The following GOLGA8B variants were observed in gnomAD, a reference collection of about 807,000 sequenced individuals.
The protein encoded by GOLGA8B is golgin A8 family member B.
A neutral mutation model predicts 15.6 loss-of-function variants in GOLGA8B; 1 was observed. The ratio of observed to expected loss-of-function variants is 0.06; its 90% CI spans 0.02 to 0.30. The LOEUF is 0.30. Ranked by LOEUF, GOLGA8B falls within the 10% of genes least tolerant of loss-of-function variation. GOLGA8B has a pLI of 1.00. For missense variants in GOLGA8B, 17 were observed against 201.3 expected, an observed-to-expected ratio of 0.08 and a Z score of 5.54; for synonymous variants, 9 against 80.3, an observed-to-expected ratio of 0.11 and a Z score of 4.75.
Position 34,527,058 on chromosome 15 carries a change from G to C in GOLGA8B, c.*574C>G, listed in dbSNP as rs1429592635. On this transcript the variant is annotated 3_prime_UTR_variant, in exon 24 of 24. Coordinates refer to ENST00000683415, the MANE Select transcript of GOLGA8B (RefSeq NM_001023567.5). ...CCATCACCAATACACAGAAAATGGA[G>C]GAAAGGCTGTTTCCAGTTCTCGGCC... The C allele has an allele frequency of 1.2e-5, 2 of 172,222 alleles. No individual in the cohort carries two copies. Among genetic ancestry groups the C allele is most frequent in the Non-Finnish European group, 2.4e-5 (2 of 81,830 alleles). The allele number at this position is 172,222 out of a possible 1,614,324, so 10.7% of individuals were successfully genotyped here. A position where few individuals can be genotyped will look rare whatever the true frequency, so the allele number is the denominator to read the frequency against.
At position 34,565,138 on chromosome 15, in the gene GOLGA8B, T is replaced by C. The variant is rs1220339388; in HGVS notation, c.-1122-11182A>G. On this transcript the variant is annotated intron_variant, in intron 1 of 23. Transcript: ENST00000683415. ...TCAGCCTCTTAGATCCAGTTCTCTTTTTTTTTTTTTTTTTGAGACGGAGTC... is the reference window on the plus strand; with the variant it reads ...TCAGCCTCTTAGATCCAGTTCTCTTCTTTTTTTTTTTTTTGAGACGGAGTC... 2.7e-4 allele frequency among the ~76,000 whole-genome samples: 29 copies of C among 106,948 alleles called. 4 individuals are homozygous for C. Among genetic ancestry groups the C allele is most frequent in the Non-Finnish European group, 5.7e-4 (27 of 47,182 alleles). The allele number at this position is 106,948 out of a possible 152,430, so 70.2% of individuals were successfully genotyped here.
intron 1 of GOLGA8B, among the ~76,000 whole-genome samples, chr15:34,560,902 T>G (rs1378799317): frequency 7.8e-6 from 1 of 128,488 alleles, no homozygotes; most frequent in African/African-American, 2.8e-5. Flanking sequence ...TGCTGGCCCC[T>G]AAGCAATGGT....
At chr15:34,575,104 T>C (rs1889031375) in intron 1 of GOLGA8B, among the ~76,000 whole-genome samples, 1 of 74,754 alleles carries the variant, frequency 1.3e-5, no homozygotes. Flanking sequence ...TATAAATCCT[T>C]GTAAAAAAAA....
chr15:34,579,127 A>G (rs1448642775), intron 1 of GOLGA8B, among the ~76,000 whole-genome samples: 1 of 152,082 alleles, frequency 6.6e-6, no homozygotes, highest in East Asian at 1.9e-4. Context: ...CTCTCAAGCC[A>G]GAAGACTGGC....
chr15:34,576,119 C>T (rs1171408813), intron 1 of GOLGA8B, among the ~76,000 whole-genome samples: 1 of 152,124 alleles, frequency 6.6e-6, no homozygotes, highest in Non-Finnish European at 1.5e-5. Flanking sequence ...GATTAAGCCA[C>T]CCTATGTGAT....
At chr15:34,579,647 G>A (rs1281623257) in intron 1 of GOLGA8B, among the ~76,000 whole-genome samples, 1 of 152,200 alleles carries the variant, frequency 6.6e-6, no homozygotes, top group Non-Finnish European at 1.5e-5. Context: ...TTTCCTGACT[G>A]CCCACTGAGT....
chr15:34,580,312 AAAATC>A (rs1161738859), intron 1 of GOLGA8B, among the ~76,000 whole-genome samples: 22 of 152,162 alleles, frequency 1.4e-4, no homozygotes, highest in Non-Finnish European at 7.4e-5. Flanking sequence ...GAATTTGAGA[AAAATC>A]AGGCCGAGAC....
At position 34,527,287 on chromosome 15, in the gene GOLGA8B, A is replaced by G. The variant is rs1430019791; in HGVS notation, c.*345T>C. 5 of 367,516 alleles carry G rather than the reference A, an allele frequency of 1.4e-5. 1 individual carries two copies. Among genetic ancestry groups the G allele is most frequent in the African/African-American group, 6.5e-5 (3 of 46,418 alleles). 22.8% of individuals were successfully genotyped at this position (367,516 alleles called of 1,614,324 possible). ...TGCAATAACATTAAAAAAGCACGGGAGCCTATTCCAAACCAGCGAGAACAG... is the reference window on the plus strand; with the variant it reads ...TGCAATAACATTAAAAAAGCACGGGGGCCTATTCCAAACCAGCGAGAACAG... On this transcript the variant is annotated 3_prime_UTR_variant, in exon 24 of 24. Coordinates refer to ENST00000683415, the MANE Select transcript of GOLGA8B (RefSeq NM_001023567.5).
chr15:34,565,133 C>G (rs12593590), intron 1 of GOLGA8B, among the ~76,000 whole-genome samples: 11,779 of 88,790 alleles, frequency 0.13, 471 homozygotes, highest in South Asian at 0.29. Flanking sequence ...AGATCCAGTT[C>G]TCTTTTTTTT....
chr15:34,579,315 C>T (rs1369300909), intron 1 of GOLGA8B, among the ~76,000 whole-genome samples: 3 of 151,980 alleles, frequency 2.0e-5, no homozygotes, highest in Non-Finnish European at 4.4e-5. Context: ...GAAGGGAAAG[C>T]AGAGTGGCTG....
chr15:34,548,061 C>CA (rs1888325852), intron 4 of GOLGA8B, among the ~76,000 whole-genome samples: 1 of 152,118 alleles, frequency 6.6e-6, no homozygotes, highest in Non-Finnish European at 1.5e-5. Context: ...CCTATGTACT[C>CA]ATTTCTTGTG....
rs2140328974 is a variant in GOLGA8B at position 34,525,971 on chromosome 15, A to G, written c.*1661T>C. On this transcript the variant is annotated 3_prime_UTR_variant, in exon 24 of 24. Transcript: ENST00000683415. ...TAATGTGATGTGTTTTGGAACACAG[A>G]CATTAGAACTTCATGAAGTTTTAAC... The G allele has an allele frequency of 6.7e-6, 1 of 149,532 alleles. No individual in the cohort carries two copies. The highest frequency in any genetic ancestry group is 2.2e-4 in the South Asian group (1 of 4,644). The allele number at this position is 149,532 out of a possible 1,614,324, so 9.3% of individuals were successfully genotyped here. A position where few individuals can be genotyped will look rare whatever the true frequency, so the allele number is the denominator to read the frequency against.
chr15:34,560,934 T>C (rs1888608968), intron 1 of GOLGA8B, among the ~76,000 whole-genome samples: 1 of 136,374 alleles, frequency 7.3e-6, no homozygotes, highest in Non-Finnish European at 1.6e-5. Context: ...TTGGTGAAGA[T>C]TTTCTCATTT....
intron 1 of GOLGA8B, among the ~76,000 whole-genome samples, chr15:34,567,721 T>A (rs1189139172): frequency 6.6e-6 from 1 of 151,808 alleles, no homozygotes; most frequent in Non-Finnish European, 1.5e-5. Flanking sequence ...CGGGCAGATA[T>A]TAAACCCACC....
intron 1 of GOLGA8B, among the ~76,000 whole-genome samples, chr15:34,582,181 C>T (rs6495688): frequency 0.36 from 55,390 of 151,918 alleles, 10,528 homozygotes; most frequent in Admixed American, 0.46. Flanking sequence ...TTCCTGTCCC[C>T]CTGCGTAGTG....
chr15:34,574,309 T>A (rs1474746675), intron 1 of GOLGA8B, among the ~76,000 whole-genome samples: 1 of 151,906 alleles, frequency 6.6e-6, no homozygotes, highest in African/African-American at 2.4e-5. Flanking sequence ...CAGACTTTTT[T>A]TTTTTTTTTT....
At chr15:34,573,567 A>G in intron 1 of GOLGA8B, among the ~76,000 whole-genome samples, 1 of 147,972 alleles carries the variant, frequency 6.8e-6, no homozygotes, top group African/African-American at 2.5e-5. Context: ...AAAAAAATTC[A>G]CCAGAAGTTC....
intron 1 of GOLGA8B, among the ~76,000 whole-genome samples, chr15:34,578,032 C>T (rs112294056): frequency 1.7e-4 from 26 of 152,330 alleles, no homozygotes; most frequent in African/African-American, 6.3e-4. Context: ...CTCACAAAAA[C>T]AATGTCATGT....
At chr15:34,579,089 A>G (rs1385807689) in intron 1 of GOLGA8B, among the ~76,000 whole-genome samples, 3 of 152,020 alleles carry the variant, frequency 2.0e-5, no homozygotes, top group Non-Finnish European at 2.9e-5. Context: ...AAGAGGCCTC[A>G]TGCGCACATT....
Sources: gnomAD v4.1 joint callset for allele counts (sites outside exome capture counted in the v4.1 genomes callset) on GRCh38, gnomAD v4.1.1 for gene constraint, MANE v1.5 for transcripts, NCBI Gene and HGNC (gene_info 2026-07-23, HGNC 2026-07-21) for gene names.